The following ROR2 variants were observed in gnomAD, a reference collection of about 807,000 sequenced individuals.
The protein encoded by ROR2 is ROR family WNT receptor 2.
ROR2 carries 33 observed loss-of-function variants against 74.9 expected under a neutral mutation model. The ratio of observed to expected loss-of-function variants is 0.44; its 90% confidence interval spans 0.33 to 0.59. The LOEUF is 0.59. Among genes scored for constraint, ROR2 ranks in the 20% least tolerant of loss-of-function variants. ROR2 has a pLI of 0.02. For missense variants in ROR2, 1,216 were observed against 1,313.8 expected (o/e 0.93, Z 1.15); for synonymous variants, 586 against 558.7 (o/e 1.05, Z -0.69).
chr9:91,832,153 A>C (rs1010640106), intron 1 of ROR2, among the ~76,000 whole-genome samples: 3 of 151,998 alleles, frequency 2.0e-5, no homozygotes, highest in African/African-American at 7.2e-5. Context: ...CAGCCAATCA[A>C]CTCCAGCCAT....
At chr9:91,940,995 CTT>C (rs11321454) in intron 1 of ROR2, among the ~76,000 whole-genome samples, 7,086 of 110,650 alleles carry the variant, frequency 0.064, 161 homozygotes, top group African/African-American at 0.15. Flanking sequence ...ATTTTTAATT[CTT>C]TTTTTTTTTT....
chr9:91,740,391 A>G (rs547800380), intron 4 of ROR2, among the ~76,000 whole-genome samples: 1 of 152,112 alleles, frequency 6.6e-6, no homozygotes, highest in African/African-American at 2.4e-5. Context: ...TACTAAAAAT[A>G]CAAAAACAAA....
chr9:91,851,948 C>G (rs577969776), intron 1 of ROR2, among the ~76,000 whole-genome samples: 1 of 150,182 alleles, frequency 6.7e-6, no homozygotes, highest in Non-Finnish European at 1.5e-5. Flanking sequence ...TGCACGCCAG[C>G]CTGGGTGACG....
intron 4 of ROR2, among the ~76,000 whole-genome samples, chr9:91,748,387 T>C (rs1367309774): frequency 1.3e-5 from 2 of 152,174 alleles, no homozygotes; most frequent in Non-Finnish European, 2.9e-5. Flanking sequence ...CATTTCACAA[T>C]GTACACATAT....
At chr9:91,857,033 T>G (rs763877586) in intron 1 of ROR2, among the ~76,000 whole-genome samples, 20 of 152,256 alleles carry the variant, frequency 1.3e-4, no homozygotes, top group Non-Finnish European at 2.6e-4. Flanking sequence ...CCAGAGCCTG[T>G]GTTCACTCCC....
chr9:91,832,330 T>C (rs1828484593), intron 1 of ROR2, among the ~76,000 whole-genome samples: 2 of 143,932 alleles, frequency 1.4e-5, no homozygotes, highest in Non-Finnish European at 3.0e-5. Flanking sequence ...AATGAGAAGT[T>C]TGGAGGAGTC....
intron 1 of ROR2, among the ~76,000 whole-genome samples, chr9:91,823,960 A>G (rs1425215577): frequency 1.3e-5 from 2 of 152,230 alleles, no homozygotes; most frequent in African/African-American, 4.8e-5. Context: ...CTGTTCTTCC[A>G]TGCCTGTGCT....
At chr9:91,813,822 G>A (rs531765785) in intron 1 of ROR2, among the ~76,000 whole-genome samples, 7 of 152,262 alleles carry the variant, frequency 4.6e-5, no homozygotes, top group South Asian at 4.1e-4. Flanking sequence ...TTACCGCCTG[G>A]GAAAAATGAG....
intron 2 of ROR2, among the ~76,000 whole-genome samples, chr9:91,758,574 C>A (rs1283758812): frequency 1.3e-5 from 2 of 152,216 alleles, no homozygotes; most frequent in Non-Finnish European, 2.9e-5. Flanking sequence ...CAGACAGAAG[C>A]AGTCCCGCGC....
At chr9:91,867,694 G>GTGTGTGTGTA in intron 1 of ROR2, among the ~76,000 whole-genome samples, 1 of 150,786 alleles carries the variant, frequency 6.6e-6, no homozygotes, top group Non-Finnish European at 1.5e-5. Context: ...GTGTGTGTGT[G>GTGTGTGTGTA]TGTGTGTATC....
At chr9:91,833,853 C>T (rs1444179837) in intron 1 of ROR2, among the ~76,000 whole-genome samples, 1 of 152,158 alleles carries the variant, frequency 6.6e-6, no homozygotes, top group African/African-American at 2.4e-5. Flanking sequence ...GGGACGTCCC[C>T]TCACTGTGTC....
chr9:91,922,583 A>G (rs1409043831), intron 1 of ROR2, among the ~76,000 whole-genome samples: 1 of 152,070 alleles, frequency 6.6e-6, no homozygotes, highest in Non-Finnish European at 1.5e-5. Flanking sequence ...CCTCCGAAGT[A>G]GCTGGGACTA....
At chr9:91,796,393 A>T (rs1469349943) in intron 1 of ROR2, among the ~76,000 whole-genome samples, 1 of 148,802 alleles carries the variant, frequency 6.7e-6, no homozygotes, top group African/African-American at 2.5e-5. Flanking sequence ...AGATGGCAAT[A>T]CTGCACTGCA....
intron 1 of ROR2, among the ~76,000 whole-genome samples, chr9:91,921,070 T>C (rs1223718364): frequency 6.6e-6 from 1 of 152,154 alleles, no homozygotes; most frequent in Non-Finnish European, 1.5e-5. Flanking sequence ...GAGTGGACAC[T>C]CATGTCCCAT....
intron 2 of ROR2, among the ~76,000 whole-genome samples, chr9:91,774,383 T>C (rs889119671): frequency 6.6e-6 from 1 of 152,184 alleles, no homozygotes; most frequent in Admixed American, 6.5e-5. Flanking sequence ...GTTCTGGCAG[T>C]TGATTGTTAT....
intron 1 of ROR2, among the ~76,000 whole-genome samples, chr9:91,872,341 T>C (rs1234795343): frequency 6.6e-6 from 1 of 152,094 alleles, no homozygotes; most frequent in Admixed American, 6.5e-5. Flanking sequence ...CATCTCGTCG[T>C]TTTAACTGTG....
At chr9:91,781,896 C>A (rs1826630554) in intron 1 of ROR2, among the ~76,000 whole-genome samples, 1 of 152,264 alleles carries the variant, frequency 6.6e-6, no homozygotes, top group Admixed American at 6.5e-5. Context: ...ACCAGCCCAA[C>A]TCCCTTCAAT....
chr9:91,949,150 C>A (rs1832097719), intron 1 of ROR2, among the ~76,000 whole-genome samples: 1 of 151,688 alleles, frequency 6.6e-6, no homozygotes, highest in African/African-American at 2.4e-5. Flanking sequence ...GCGGCCGCGC[C>A]CCAGCCGCTC....
intron 1 of ROR2, among the ~76,000 whole-genome samples, chr9:91,805,780 G>A (rs1262890951): frequency 6.6e-6 from 1 of 152,096 alleles, no homozygotes; most frequent in Admixed American, 6.6e-5. Context: ...AAGAAAGATG[G>A]GAAGATGAAA....
Sources: gnomAD v4.1 joint callset for allele counts (sites outside exome capture counted in the v4.1 genomes callset) on GRCh38, gnomAD v4.1.1 for gene constraint, MANE v1.5 for transcripts, NCBI Gene and HGNC (gene_info 2026-07-23, HGNC 2026-07-21) for gene names.